The following PRPS2 variants were observed in gnomAD, a reference collection of about 807,000 sequenced individuals.
The protein encoded by PRPS2 is phosphoribosyl pyrophosphate synthetase 2, also known as ribose-phosphate pyrophosphokinase 2.
For missense variants in PRPS2, 104 were observed against 271.5 expected (o/e 0.38, Z 4.34); for synonymous variants, 111 against 115.3 (o/e 0.96, Z 0.24).
rs915569658 is a variant in PRPS2, at chrX:12,791,425, C to T, written c.-73C>T. ...TTTCCCGCTCCCGCAGCAGCAGCCT[C>T]CCGCGTCGCTGTCGCTGTTGCCTCC... On this transcript the variant is annotated 5_prime_UTR_variant, in exon 1 of 7. Coordinates refer to ENST00000380668, the MANE Select transcript of PRPS2 (RefSeq NM_002765.5). The T allele has an allele frequency of 1.5e-4, 168 of 1,135,135 alleles. 1 individual carries two copies. The highest frequency in any genetic ancestry group is 1.1e-3 in the South Asian group (55 of 52,126). The allele number at this position is 1,135,135 out of a possible 1,213,427, so 93.5% of individuals were successfully genotyped here. A position where few individuals can be genotyped will look rare whatever the true frequency, so the allele number is the denominator to read the frequency against.
chrX:12,808,908 G>A lies in PRPS2; in HGVS notation c.307-326G>A, dbSNP rs753066320. On this transcript the variant is annotated intron_variant, in intron 2 of 6. Coordinates refer to ENST00000380668, the MANE Select transcript of PRPS2 (RefSeq NM_002765.5). Reference sequence around the variant, plus strand: ...CCTACTACTATCATCTCTCTCTCTCGGTACCTTTTATTTCTACACACTTAC... The same window carrying A: ...CCTACTACTATCATCTCTCTCTCTCAGTACCTTTTATTTCTACACACTTAC... Among the ~76,000 whole-genome samples the A allele has an allele frequency of 3.6e-5, 4 of 110,977 alleles. No homozygotes were observed. In the South Asian group the frequency reaches 1.1e-3, roughly 32 times the overall value.
intron 4 of PRPS2, among the ~76,000 whole-genome samples, chrX:12,814,764 A>G (rs2042639458): frequency 8.9e-6 from 1 of 112,320 alleles, no homozygotes; most frequent in Non-Finnish European, 1.9e-5. Context: ...GTAAAACTAG[A>G]TAACTCAGAT....
chrX:12,814,060 GC>G (rs202209305), intron 4 of PRPS2, among the ~76,000 whole-genome samples: 3 of 44,818 alleles, frequency 6.7e-5, no homozygotes, highest in Non-Finnish European at 1.2e-4. Flanking sequence ...TAAGAATCCA[GC>G]CCCCCCACCC....
intron 4 of PRPS2, among the ~76,000 whole-genome samples, chrX:12,813,840 C>T (rs180880178): frequency 1.3e-4 from 14 of 111,624 alleles, no homozygotes; most frequent in Admixed American, 2.8e-4. Flanking sequence ...TTCATTTCTT[C>T]TCCTATTTTG....
At chrX:12,808,288 C>CTGTGTGTGTGTGTGTG (rs60881280) in intron 2 of PRPS2, among the ~76,000 whole-genome samples, 3,605 of 102,357 alleles carry the variant, frequency 0.035, 129 homozygotes, top group South Asian at 0.2. Flanking sequence ...CATGAATATA[C>CTGTGTGTGTGTGTGTG]TGTGTGTGTG....
chrX:12,810,333 A>G, intron 4 of PRPS2, 187 bp downstream of exon 4: 2 of 516,501 alleles, frequency 3.9e-6, no homozygotes, highest in Non-Finnish European at 6.1e-6. Context: ...TTCGTCATTC[A>G]GGAAAGAAGA....
chrX:12,803,211 C>T (rs1432061171), intron 2 of PRPS2, among the ~76,000 whole-genome samples: 2 of 112,193 alleles, frequency 1.8e-5, no homozygotes, highest in Non-Finnish European at 3.8e-5. Flanking sequence ...GCCTTGAGGC[C>T]ACATCACTCT....
intron 1 of PRPS2, among the ~76,000 whole-genome samples, chrX:12,792,310 G>A (rs2042523869): frequency 8.9e-6 from 1 of 112,216 alleles, no homozygotes; most frequent in Admixed American, 9.3e-5. Flanking sequence ...AAGACTGTGA[G>A]AACCCCAGGA....
chrX:12,799,488 G>T, intron 2 of PRPS2, 98 bp downstream of exon 2: 1 of 950,240 alleles, frequency 1.1e-6, no homozygotes, highest in Non-Finnish European at 1.4e-6. Context: ...GAAAATGTTG[G>T]CTTTTTCCTT....
intron 4 of PRPS2, among the ~76,000 whole-genome samples, chrX:12,813,119 G>A (rs982632298): frequency 7.1e-5 from 8 of 112,093 alleles, no homozygotes; most frequent in South Asian, 3.7e-4. Flanking sequence ...AAATGCCACC[G>A]TTATTTCCAG....
intron 4 of PRPS2, chrX:12,810,363 C>G (rs1462312218): frequency 2.4e-6 from 1 of 414,925 alleles, no homozygotes; most frequent in Non-Finnish European, 4.0e-6. Flanking sequence ...GACACACATA[C>G]ACAATAGGTA....
intron 2 of PRPS2, among the ~76,000 whole-genome samples, chrX:12,808,748 C>CT (rs751099231): frequency 8.8e-4 from 99 of 112,080 alleles, no homozygotes; most frequent in Non-Finnish European, 1.6e-3. Flanking sequence ...GTGAGGGTCT[C>CT]TTGACCTCAG....
chrX:12,809,621 T>C (rs1163426258), intron 3 of PRPS2, among the ~76,000 whole-genome samples: 1 of 111,966 alleles, frequency 8.9e-6, no homozygotes, highest in East Asian at 2.8e-4. Flanking sequence ...CTTTTTAACT[T>C]CTTCATAACT....
intron 4 of PRPS2, among the ~76,000 whole-genome samples, chrX:12,813,373 T>C (rs2042633058): frequency 8.9e-6 from 1 of 112,268 alleles, no homozygotes; most frequent in Non-Finnish European, 1.9e-5. Context: ...TTAAATGCAG[T>C]TGTGAAGCAA....
intron 4 of PRPS2, among the ~76,000 whole-genome samples, chrX:12,818,276 G>A (rs749852554): frequency 9.5e-6 from 1 of 105,809 alleles, no homozygotes; most frequent in Non-Finnish European, 1.9e-5. Flanking sequence ...GCCGAGGCAG[G>A]AGAATCACTT....
At chrX:12,794,496 C>T (rs936027164) in intron 1 of PRPS2, among the ~76,000 whole-genome samples, 6 of 111,880 alleles carry the variant, frequency 5.4e-5, no homozygotes, top group East Asian at 2.8e-4. Context: ...GATTCAAGGG[C>T]GGGAGACTAG....
At chrX:12,821,535 A>G (rs1417158526) in intron 6 of PRPS2, among the ~76,000 whole-genome samples, 8 of 112,027 alleles carry the variant, frequency 7.1e-5, no homozygotes, top group Admixed American at 3.8e-4. Flanking sequence ...GAAATAAACA[A>G]TGGTGATAGT....
intron 1 of PRPS2, among the ~76,000 whole-genome samples, chrX:12,792,846 TAAG>T (rs78426122): frequency 0.017 from 1,870 of 112,482 alleles, 28 homozygotes; most frequent in Non-Finnish European, 0.024. Context: ...AAAAATTTCT[TAAG>T]GAGGAGTTAT....
At chrX:12,821,793 G>A (rs1169654276) in intron 6 of PRPS2, among the ~76,000 whole-genome samples, 1 of 112,272 alleles carries the variant, frequency 8.9e-6, no homozygotes, top group East Asian at 2.8e-4. Context: ...CGTCCCTGCT[G>A]ATTGGATGCC....
Sources: gnomAD v4.1 joint callset for allele counts (sites outside exome capture counted in the v4.1 genomes callset) on GRCh38, gnomAD v4.1.1 for gene constraint, MANE v1.5 for transcripts, NCBI Gene and HGNC (gene_info 2026-07-23, HGNC 2026-07-21) for gene names.